GSK3B: variants seen among roughly 807,000 people sequenced by gnomAD.
The protein encoded by GSK3B is glycogen synthase kinase-3 beta.
A neutral mutation model predicts 56.4 loss-of-function variants in GSK3B; 15 were observed. That is an observed-to-expected ratio of 0.27 (90% CI 0.18 to 0.41). The LOEUF (loss-of-function observed/expected upper bound fraction) is 0.41, where lower values mean the gene tolerates loss of function less well. Ranked by LOEUF, GSK3B falls within the 10% of genes least tolerant of loss-of-function variation. The pLI, the probability that GSK3B is intolerant of heterozygous loss-of-function variation, is 1.00. For missense variants in GSK3B, 300 were observed against 513.4 expected (o/e 0.58, Z 4.02); for synonymous variants, 181 against 188.9 (o/e 0.96, Z 0.34).
At chr3:120,089,699 T>C (rs2058494951) in intron 1 of GSK3B, among the ~76,000 whole-genome samples, 1 of 152,222 alleles carries the variant, frequency 6.6e-6, no homozygotes, top group Non-Finnish European at 1.5e-5. Flanking sequence ...TAGCTAAATT[T>C]TCTCCAATTG....
Position 120,070,956 on chromosome 3 carries a change from G to C in GSK3B, c.88+22391C>G, listed in dbSNP as rs573825262. On this transcript the variant is annotated intron_variant, in intron 1 of 10. Transcript: ENST00000264235. The stretch of plus-strand genomic sequence containing the variant: ...ACTCAGACTCCTTGTCTGCAAAATG[G>C]AGATACCACTTAGACCCAGTGGAGC... 3.3e-5 allele frequency among the ~76,000 whole-genome samples: 5 copies of C among 152,254 alleles called. No individual in the cohort carries two copies. The South Asian group carries it at 1.0e-3, about 32-fold the overall frequency.
At chr3:119,993,397 C>T (rs1212376631) in intron 2 of GSK3B, among the ~76,000 whole-genome samples, 1 of 151,798 alleles carries the variant, frequency 6.6e-6, no homozygotes, top group Non-Finnish European at 1.5e-5. Context: ...CATACAGAAA[C>T]AGATGAACCT....
At chr3:120,026,663 T>C (rs975954952) in intron 1 of GSK3B, among the ~76,000 whole-genome samples, 3 of 151,288 alleles carry the variant, frequency 2.0e-5, no homozygotes, top group Admixed American at 1.3e-4. Flanking sequence ...GTTCAAGTGA[T>C]TCTCGTGCCT....
Position 119,825,712 on chromosome 3 carries a change from G to C in GSK3B, c.*1076C>G. The C allele has an allele frequency of 4.4e-6, 1 of 225,514 alleles. No homozygotes were observed. The highest frequency in any genetic ancestry group is 8.8e-6 in the Non-Finnish European group (1 of 113,368). 14.0% of individuals were successfully genotyped at this position (225,514 alleles called of 1,614,324 possible). On this transcript the variant is annotated 3_prime_UTR_variant, in exon 11 of 11. Coordinates refer to ENST00000264235, the MANE Select transcript of GSK3B (RefSeq NM_001146156.2). The stretch of plus-strand genomic sequence containing the variant: ...AAAATTAGAACTATGTGTAGAATGT[G>C]GCTATTTCTGCAAGCTCAATTTTCA...
intron 8 of GSK3B, among the ~76,000 whole-genome samples, chr3:119,864,061 A>G (rs893248443): frequency 3.3e-5 from 5 of 152,180 alleles, no homozygotes; most frequent in African/African-American, 1.2e-4. Context: ...AAGAAGAGCT[A>G]TTTACTCTAG....
intron 8 of GSK3B, among the ~76,000 whole-genome samples, chr3:119,874,459 A>G (rs1278330634): frequency 6.6e-6 from 1 of 152,078 alleles, no homozygotes; most frequent in African/African-American, 2.4e-5. Flanking sequence ...ATTGTACTAC[A>G]TCACCGATTT....
intron 2 of GSK3B, among the ~76,000 whole-genome samples, chr3:119,986,893 T>C (rs1160812416): frequency 2.0e-5 from 3 of 152,208 alleles, no homozygotes; most frequent in Admixed American, 6.5e-5. Flanking sequence ...CGTTTGTTTA[T>C]TGTGGCACTA....
intron 9 of GSK3B, among the ~76,000 whole-genome samples, chr3:119,857,939 T>C (rs553307560): frequency 6.6e-6 from 1 of 152,300 alleles, no homozygotes; most frequent in African/African-American, 2.4e-5. Context: ...TCAGAGCTCT[T>C]GGATGACTAG....
At chr3:120,033,788 G>T (rs371899742) in intron 1 of GSK3B, among the ~76,000 whole-genome samples, 1 of 150,648 alleles carries the variant, frequency 6.6e-6, no homozygotes, top group African/African-American at 2.4e-5. Context: ...TTGCTCGCTC[G>T]CTCTCTCTCT....
At chr3:119,927,746 C>A (rs1184588255) in intron 3 of GSK3B, among the ~76,000 whole-genome samples, 2 of 151,860 alleles carry the variant, frequency 1.3e-5, no homozygotes, top group African/African-American at 4.8e-5. Flanking sequence ...GACTTGTTCA[C>A]CTAAGAAGAC....
intron 2 of GSK3B, among the ~76,000 whole-genome samples, chr3:119,989,971 G>T (rs568206827): frequency 2.6e-5 from 4 of 152,200 alleles, no homozygotes; most frequent in African/African-American, 9.6e-5. Flanking sequence ...AAATTATAGG[G>T]TCTGGATTGA....
chr3:119,998,393 G>A (rs938132069), intron 2 of GSK3B, among the ~76,000 whole-genome samples: 1 of 152,182 alleles, frequency 6.6e-6, no homozygotes. Context: ...TACACTTGGG[G>A]ACAGATATTT....
chr3:119,954,307 A>AGAATAGAAT (rs1559851422), intron 2 of GSK3B, among the ~76,000 whole-genome samples: 45 of 121,726 alleles, frequency 3.7e-4, no homozygotes, highest in South Asian at 1.2e-3. Context: ...TAGAATAGAA[A>AGAATAGAAT]AGAAACAGAA....
rs2057327081 is a variant in GSK3B at position 119,967,377 on chromosome 3, GC to G, written c.283-20027del. On this transcript the variant is annotated intron_variant, in intron 2 of 10. Coordinates refer to ENST00000264235, the MANE Select transcript of GSK3B (RefSeq NM_001146156.2). ...CGGCGTGAGCCACTGCGCCTGGCCA[GC>G]TATCTTTTTTTTAAAAAAAAGATAT... 3.9e-5 allele frequency among the ~76,000 whole-genome samples: 6 copies of G among 152,118 alleles called. No homozygotes were observed. The Middle Eastern group carries it at 0.017, about 431-fold the overall frequency.
chr3:119,843,356 A>G lies in GSK3B; in HGVS notation c.1097-3T>C, dbSNP rs1485245388. 1.3e-6 allele frequency: 2 copies of G among 1,546,050 alleles called. No homozygotes were observed. Among genetic ancestry groups the G allele is most frequent in the Non-Finnish European group, 8.9e-7 (1 of 1,119,490 alleles). On this transcript the variant is annotated splice_region_variant and splice_polypyrimidine_tract_variant and intron_variant, in intron 9 of 10. Transcript: ENST00000264235. ...CAGAGGTGGATTACTTGACAGTTCTATAGAAGGTTAAGACACAAATGTTAG... is the reference window on the plus strand; with the variant it reads ...CAGAGGTGGATTACTTGACAGTTCTGTAGAAGGTTAAGACACAAATGTTAG...
intron 1 of GSK3B, among the ~76,000 whole-genome samples, chr3:120,062,965 T>G (rs74920469): frequency 0.026 from 3,961 of 152,292 alleles, 171 homozygotes; most frequent in African/African-American, 0.089. Flanking sequence ...AATATGTATG[T>G]AGTATCAATG....
chr3:120,028,963 A>C, intron 1 of GSK3B: 1 of 571,714 alleles, frequency 1.7e-6, no homozygotes, highest in Non-Finnish European at 3.3e-6. Context: ...ATACAAGAGA[A>C]GTGCTTTGGT....
intron 1 of GSK3B, among the ~76,000 whole-genome samples, chr3:120,046,175 A>G (rs2058101242): frequency 6.6e-6 from 1 of 152,204 alleles, no homozygotes. Flanking sequence ...TCTGCATGAC[A>G]CTGTAATCGT....
chr3:120,072,652 C>T (rs1403307970), intron 1 of GSK3B, among the ~76,000 whole-genome samples: 1 of 152,108 alleles, frequency 6.6e-6, no homozygotes, highest in African/African-American at 2.4e-5. Flanking sequence ...TGACAATCAA[C>T]TATGTATTAC....
Sources: allele counts gnomAD v4.1 joint callset (sites outside exome capture counted in the v4.1 genomes callset), GRCh38; gene constraint gnomAD v4.1.1; transcripts MANE v1.5; gene names NCBI Gene and HGNC (gene_info 2026-07-23, HGNC 2026-07-21).